The following ZPLD1 variants were observed in gnomAD, a reference collection of about 807,000 sequenced individuals.
ZPLD1 encodes zona pellucida-like domain-containing protein 1.
Under a neutral mutation model 47.2 loss-of-function variants are expected in ZPLD1, and 34 were observed. The observed-to-expected ratio is 0.72, with a 90% CI of 0.55 to 0.96. The LOEUF is 0.96. Among genes scored for constraint, ZPLD1 ranks in the 40% least tolerant of loss-of-function variants. ZPLD1 has a pLI of 0.00. For missense variants in ZPLD1, 512 were observed against 505.8 expected, an observed-to-expected ratio of 1.01 and a Z score of -0.12; for synonymous variants, 176 against 186.2, an observed-to-expected ratio of 0.95 and a Z score of 0.45.
At chr3:102,470,998 C>G (rs1409460533) in intron 10 of ZPLD1, among the ~76,000 whole-genome samples, 1 of 151,992 alleles carries the variant, frequency 6.6e-6, no homozygotes, top group African/African-American at 2.4e-5. Flanking sequence ...AGGCTGGTCT[C>G]GAACTCCTGA....
rs75809292 is a variant in ZPLD1 at position 102,477,688 on chromosome 3, C to T, written c.*70C>T. On this transcript the variant is annotated 3_prime_UTR_variant, in exon 12 of 12. Coordinates refer to ENST00000466937, the MANE Select transcript of ZPLD1 (RefSeq NM_001329788.2). ...CTATGTGTGACTGCAGTCAGTGTTC[C>T]GTCTGAATTTCATGTCAGTCCACAT... The T allele has an allele frequency of 2.5e-3, 3,424 of 1,375,172 alleles. 90 individuals carry two copies. The East Asian group carries it at 0.059, about 24-fold the overall frequency. The allele number at this position is 1,375,172 out of a possible 1,614,324, so 85.2% of individuals were successfully genotyped here.
At chr3:102,387,957 C>T (rs1036810874) in intron 6 of ZPLD1, among the ~76,000 whole-genome samples, 10 of 146,162 alleles carry the variant, frequency 6.8e-5, no homozygotes, top group South Asian at 6.6e-4. Context: ...GCCTCCTGGG[C>T]TCACGCCATT....
At chr3:102,421,474 A>G (rs1354791828) in intron 8 of ZPLD1, among the ~76,000 whole-genome samples, 1 of 151,904 alleles carries the variant, frequency 6.6e-6, no homozygotes, top group Non-Finnish European at 1.5e-5. Context: ...CACACATTTA[A>G]AAACTTTGGT....
Position 102,390,977 on chromosome 3 carries a change from G to C in ZPLD1, c.-212-1193G>C, listed in dbSNP as rs1576121914. 3.3e-5 allele frequency among the ~76,000 whole-genome samples: 5 copies of C among 152,178 alleles called. No individual in the cohort carries two copies. In the Middle Eastern group the frequency reaches 0.01, roughly 311 times the overall value. ...GAAAAGGACCCCATGTCCTTTTTAA[G>C]TTATAGACTAAGTAAATTTTTAGTC... is the stretch of plus-strand genomic sequence containing the variant. On this transcript the variant is annotated intron_variant, in intron 6 of 17. Coordinates refer to the ZPLD1 transcript ENST00000491959.
intron 7 of ZPLD1, among the ~76,000 whole-genome samples, chr3:102,398,501 A>T (rs1308958407): frequency 6.6e-6 from 1 of 152,066 alleles, no homozygotes; most frequent in East Asian, 1.9e-4. Context: ...GAATGCAATA[A>T]TCTCCTAACT....
rs1400521985 is a variant in ZPLD1 at position 102,477,599 on chromosome 3, G to C, written c.1229G>C (p.Arg410Thr). 5 of 1,612,882 alleles carry C rather than the reference G, an allele frequency of 3.1e-6. No homozygotes were observed. The South Asian group carries it at 4.4e-5, about 14-fold the overall frequency. Reference sequence around the variant, plus strand: ...ACAAGTTTAGTGTTGAATGGCATAAGAAACCCAGTCTTTGACTGACTATAA... The same window carrying C: ...ACAAGTTTAGTGTTGAATGGCATAACAAACCCAGTCTTTGACTGACTATAA... ...GPTSLVLNGI[R>T]NPVFD is the part of the protein sequence containing the mutation. Residue 410 changes from arginine (R) to threonine (T), a missense_variant, in exon 12 of 12, where the codon AGA (arginine) becomes ACA (threonine). By Grantham distance (71) the Arg-to-Thr change is moderately conservative. Transcript: ENST00000466937.
intron 6 of ZPLD1, among the ~76,000 whole-genome samples, chr3:102,458,727 C>A (rs1707457923): frequency 6.6e-6 from 1 of 152,152 alleles, no homozygotes; most frequent in Non-Finnish European, 1.5e-5. Context: ...CCACAGAGTT[C>A]TAAACAACAA....
intron 7 of ZPLD1, among the ~76,000 whole-genome samples, chr3:102,414,720 G>A (rs142488983): frequency 3.3e-5 from 5 of 151,324 alleles, no homozygotes; most frequent in South Asian, 2.1e-4. Context: ...TGAAACCATC[G>A]AGAATGTATC....
At chr3:102,427,015 T>C (rs1000313324) in intron 8 of ZPLD1, among the ~76,000 whole-genome samples, 1 of 152,220 alleles carries the variant, frequency 6.6e-6, no homozygotes, top group Non-Finnish European at 1.5e-5. Flanking sequence ...AACACCTTCC[T>C]GAGTAATGTC....
intron 7 of ZPLD1, among the ~76,000 whole-genome samples, chr3:102,404,533 T>A (rs1336437143): frequency 6.6e-6 from 1 of 151,974 alleles, no homozygotes; most frequent in Non-Finnish European, 1.5e-5. Context: ...ATGTTTCGGG[T>A]GAGAGTCAGT....
chr3:102,412,673 A>G (rs1706758712), intron 7 of ZPLD1, among the ~76,000 whole-genome samples: 1 of 151,792 alleles, frequency 6.6e-6, no homozygotes, highest in African/African-American at 2.4e-5. Flanking sequence ...TTACTTCAAC[A>G]TAAGGATGAA....
At chr3:102,403,087 T>C (rs1334750047) in intron 7 of ZPLD1, among the ~76,000 whole-genome samples, 1 of 151,992 alleles carries the variant, frequency 6.6e-6, no homozygotes, top group Non-Finnish European at 1.5e-5. Flanking sequence ...TTTTGTGAGA[T>C]ATAATTTACA....
At chr3:102,473,414 G>A (rs1445410546) in intron 10 of ZPLD1, among the ~76,000 whole-genome samples, 2 of 152,012 alleles carry the variant, frequency 1.3e-5, no homozygotes, top group Non-Finnish European at 2.9e-5. Context: ...TGTCATGCCT[G>A]GATTTCTTTC....
At chr3:102,454,532 A>G (rs1707383295) in intron 4 of ZPLD1, among the ~76,000 whole-genome samples, 1 of 152,144 alleles carries the variant, frequency 6.6e-6, no homozygotes, top group South Asian at 2.1e-4. Context: ...TGTGCTGTTT[A>G]CCTTTTTAAA....
At chr3:102,387,781 CA>C (rs959784177) in intron 6 of ZPLD1, among the ~76,000 whole-genome samples, 2 of 147,116 alleles carry the variant, frequency 1.4e-5, no homozygotes, top group Admixed American at 1.3e-4. Flanking sequence ...TGTAATTTTT[CA>C]TTAATTATCC....
chr3:102,398,219 AC>A (rs1706578783), intron 7 of ZPLD1, among the ~76,000 whole-genome samples: 1 of 152,076 alleles, frequency 6.6e-6, no homozygotes, highest in South Asian at 2.1e-4. Flanking sequence ...TATACTCTTG[AC>A]CTTTGGTATA....
intron 8 of ZPLD1, among the ~76,000 whole-genome samples, chr3:102,420,932 T>A (rs1332161302): frequency 1.3e-5 from 2 of 152,010 alleles, no homozygotes; most frequent in Non-Finnish European, 2.9e-5. Context: ...TCTACTGCTG[T>A]ATCTGTGAAA....
chr3:102,426,371 A>T (rs1706948034), intron 8 of ZPLD1, among the ~76,000 whole-genome samples: 1 of 152,066 alleles, frequency 6.6e-6, no homozygotes, highest in Admixed American at 6.6e-5. Context: ...TACAAAAATT[A>T]GCCAGGTGTG....
At chr3:102,463,004 C>T (rs1707533028) in intron 7 of ZPLD1, among the ~76,000 whole-genome samples, 1 of 152,144 alleles carries the variant, frequency 6.6e-6, no homozygotes, top group Non-Finnish European at 1.5e-5. Flanking sequence ...TTGGTATACT[C>T]TATAAATTTA....
Sources: allele counts gnomAD v4.1 joint callset (sites outside exome capture counted in the v4.1 genomes callset), GRCh38; gene constraint gnomAD v4.1.1; transcripts MANE v1.5; gene names NCBI Gene and HGNC (gene_info 2026-07-23, HGNC 2026-07-21).